The following PRDM7 variants were observed in gnomAD, a reference collection of about 807,000 sequenced individuals.
The protein encoded by PRDM7 is histone-lysine N-methyltransferase PRDM7.
A neutral mutation model predicts 64.3 loss-of-function variants in PRDM7; 52 were observed. The ratio of observed to expected loss-of-function variants is 0.81; its 90% CI spans 0.65 to 1.02. The LOEUF (loss-of-function observed/expected upper bound fraction) is 1.02. Ranked by LOEUF, PRDM7 falls within the 50% of genes least tolerant of loss-of-function variation. The pLI is 0.00. For missense variants in PRDM7, 574 were observed against 597.1 expected, an observed-to-expected ratio of 0.96 and a Z score of 0.40; for synonymous variants, 192 against 210.1, an observed-to-expected ratio of 0.91 and a Z score of 0.74.
chr16:90,061,588 G>C (rs1233944478), intron 8 of PRDM7, 69 bp from the exon 9 acceptor site: 15 of 1,512,490 alleles, frequency 9.9e-6, no homozygotes, highest in Non-Finnish European at 1.3e-5. Context: ...TTACTCCACG[G>C]TCATCAATGG....
intron 4 of PRDM7, among the ~76,000 whole-genome samples, chr16:90,072,123 TGGGATGCTGA>T (rs2151312749): frequency 6.6e-6 from 1 of 151,482 alleles, no homozygotes; most frequent in South Asian, 2.1e-4. Context: ...CCCAGCTACT[TGGGATGCTGA>T]GGCGGGAGAA....
In PRDM7 at chr16:90,070,960, T is replaced by G. The variant is rs145412358; in HGVS notation, c.301+3956A>C. On this transcript the variant is annotated intron_variant, in intron 4 of 10. Coordinates refer to ENST00000449207, the MANE Select transcript of PRDM7 (RefSeq NM_001098173.2). Reference sequence around the variant, plus strand: ...CACTAATCATTAGGGAAATGAAAATTAAAACCACAATGAGATATCACCTTA... The same window carrying G: ...CACTAATCATTAGGGAAATGAAAATGAAAACCACAATGAGATATCACCTTA... Among the ~76,000 whole-genome samples, 443 of 152,282 alleles carry G rather than the reference T, an allele frequency of 2.9e-3. 4 individuals are homozygous for G. Among genetic ancestry groups the G allele is most frequent in the African/African-American group, 9.8e-3 (408 of 41,544 alleles).
rs79217237 is a variant in PRDM7 at position 90,068,984 on chromosome 16, T to C, written c.302-2074A>G. The stretch of plus-strand genomic sequence containing the variant: ...GTCCTGTCTATCAAAATGCCAATGC[T>C]ATTATTTTCAGAAATGGAAAAATAT... On this transcript the variant is annotated intron_variant, in intron 4 of 10. Transcript: ENST00000449207. Among the ~76,000 whole-genome samples the C allele has an allele frequency of 1.0e-2, 1,509 of 151,450 alleles. 25 individuals are homozygous for C. The highest frequency in any genetic ancestry group is 0.034 in the Middle Eastern group (10 of 294).
At chr16:90,063,478 C>G (rs1381956670) in intron 6 of PRDM7, 134 bp downstream of exon 6, 3 of 909,350 alleles carry the variant, frequency 3.3e-6, no homozygotes, top group South Asian at 1.7e-5. Context: ...AATACTGCAT[C>G]TAACTTCTGG....
In PRDM7 at chr16:90,074,924, C is replaced by G. The variant is rs2038013565; in HGVS notation, c.293G>C (p.Arg98Thr). 6.2e-7 allele frequency: 1 copy of G among 1,613,978 alleles called. No homozygotes were observed. The highest frequency in any genetic ancestry group is 1.1e-5 in the South Asian group (1 of 91,068). ...CTTCCCTTCCCTCTTACCTTGCTGC[C>G]TAGGTGTCCATTCTTCATCGGAATC... ...TEDSDEEWTP[R>T]QQVKPPWMAF... is the part of the protein sequence containing the mutation. The change falls in exon 4 of 11, where the codon AGG (arginine) becomes ACG (threonine). Residue 98 changes from arginine (R) to threonine (T), a missense_variant. Arg to Thr is a moderately conservative substitution (Grantham distance 71). Coordinates refer to ENST00000449207, the MANE Select transcript of PRDM7 (RefSeq NM_001098173.2).
chr16:90,074,818 G>A (rs1422508028), intron 4 of PRDM7, 98 bp downstream of exon 4: 8 of 1,217,270 alleles, frequency 6.6e-6, no homozygotes, highest in Non-Finnish European at 9.4e-6. Context: ...GGCAGAGGTT[G>A]CCGTGAGCCA....
At chr16:90,063,381 T>C (rs116003834) in intron 6 of PRDM7, among the ~76,000 whole-genome samples, 3,357 of 151,460 alleles carry the variant, frequency 0.022, 134 homozygotes, top group African/African-American at 0.076. Context: ...GAGGTTGCAG[T>C]GAACCGAGAT....
chr16:90,061,577 T>C, intron 8 of PRDM7, 58 bp from the exon 9 acceptor site: 1 of 1,531,178 alleles, frequency 6.5e-7, no homozygotes. Context: ...GAAGAATTAT[T>C]TTACTCCACG....
intron 4 of PRDM7, among the ~76,000 whole-genome samples, chr16:90,072,139 G>A (rs1463803410): frequency 6.6e-6 from 1 of 151,814 alleles, no homozygotes. Flanking sequence ...GCTGAGGCGG[G>A]AGAATGGCGT....
intron 1 of PRDM7, among the ~76,000 whole-genome samples, chr16:90,076,838 CTG>C (rs921485932): frequency 6.6e-6 from 1 of 151,888 alleles, no homozygotes; most frequent in Non-Finnish European, 1.5e-5. Context: ...GTGTTTGACA[CTG>C]AGGTTATTTG....
At position 90,060,643 on chromosome 16, in the gene PRDM7, A is replaced by G. The variant is rs1247823686; in HGVS notation, c.951-20T>C. 2 of 1,613,510 alleles carry G rather than the reference A, an allele frequency of 1.2e-6. No homozygotes were observed. Among genetic ancestry groups the G allele is most frequent in the Non-Finnish European group, 1.7e-6 (2 of 1,179,430 alleles). On this transcript the variant is annotated intron_variant, in intron 9 of 10. Transcript: ENST00000449207. ...ACATACCTGGGGTCAAGGCAGGCAA[A>G]GGGAAAGAAAGAGGCAGTGAGTTCC...
At position 90,058,521 on chromosome 16, in the gene PRDM7, C is replaced by A; in HGVS notation, c.1247G>T (p.Arg416Ile). 2 of 1,614,164 alleles carry A rather than the reference C, an allele frequency of 1.2e-6. No individual in the cohort carries two copies. The highest frequency in any genetic ancestry group is 1.1e-5 in the South Asian group (1 of 91,076). Reference protein sequence around the residue: ...SSWQGENQSQRSIHVPHAVWP... With the variant: ...SSWQGENQSQISIHVPHAVWP... ...GACAGCATGAGGGACATGGATGGAT[C>A]TCTGGCTTTGGTTCTGAAAGAGGAA... is the stretch of plus-strand genomic sequence containing the variant. Residue 416 changes from arginine to isoleucine, a missense_variant, in exon 11 of 11, where the codon AGA (arginine) becomes ATA (isoleucine). Physicochemically the swap from Arg to Ile is moderately conservative, Grantham distance 97. Transcript: ENST00000449207.
intron 4 of PRDM7, among the ~76,000 whole-genome samples, chr16:90,072,094 G>T (rs939548563): frequency 7.2e-5 from 11 of 152,102 alleles, no homozygotes; most frequent in Non-Finnish European, 1.2e-4. Context: ...AGCCTGGCGT[G>T]GTGGCAGGCG....
intron 4 of PRDM7, among the ~76,000 whole-genome samples, chr16:90,068,698 G>C (rs1486835731): frequency 6.7e-6 from 1 of 149,542 alleles, no homozygotes; most frequent in Non-Finnish European, 1.5e-5. Flanking sequence ...CCCCAAATCA[G>C]TTGTGTTTCT....
Position 90,062,396 on chromosome 16 carries a change from C to G in PRDM7, c.610+5G>C. The stretch of plus-strand genomic sequence containing the variant: ...GCTGTGTGAGTGGCTGAAAGGGTCA[C>G]TCACAGAGGTAGTCATCATCCTGTG... On this transcript the variant is annotated splice_donor_5th_base_variant and intron_variant, in intron 7 of 10. Coordinates refer to ENST00000449207, the MANE Select transcript of PRDM7 (RefSeq NM_001098173.2). The G allele has an allele frequency of 6.2e-7, 1 of 1,613,970 alleles. No homozygotes were observed. The highest frequency in any genetic ancestry group is 8.5e-7 in the Non-Finnish European group (1 of 1,179,836).
intron 9 of PRDM7, 79 bp downstream of exon 9, chr16:90,061,373 G>C: frequency 7.1e-7 from 1 of 1,398,876 alleles, no homozygotes; most frequent in Non-Finnish European, 1.0e-6. Flanking sequence ...CATTGAGGGA[G>C]GCATAATGAG....
At position 90,075,295 on chromosome 16, in the gene PRDM7, A is replaced by G; in HGVS notation, c.193+56T>C. 1 of 1,613,384 alleles carries G rather than the reference A, an allele frequency of 6.2e-7. No individual in the cohort carries two copies. Among genetic ancestry groups the G allele is most frequent in the South Asian group, 1.1e-5 (1 of 90,990 alleles). On this transcript the variant is annotated intron_variant, in intron 3 of 10. Transcript: ENST00000449207. This position sits in a 1 kb window ranked among gnomAD's most constrained non-coding sequence, Gnocchi z 4.3. ...ACCTGATAATTAAAATAATATAGGG[A>G]CCAAAGACCTGTTTTATATCGCCCA...
intron 5 of PRDM7, among the ~76,000 whole-genome samples, chr16:90,064,034 G>A (rs1405340905): frequency 6.6e-6 from 1 of 152,156 alleles, no homozygotes; most frequent in Non-Finnish European, 1.5e-5. Flanking sequence ...AAGACTAGCT[G>A]GAGAATCAGC....
At chr16:90,069,214 T>C (rs1356435687) in intron 4 of PRDM7, among the ~76,000 whole-genome samples, 1 of 151,204 alleles carries the variant, frequency 6.6e-6, no homozygotes, top group Non-Finnish European at 1.5e-5. Flanking sequence ...CTCGTGTATA[T>C]GGTCAAATGA....
Sources: gnomAD v4.1 joint callset for allele counts (sites outside exome capture counted in the v4.1 genomes callset) on GRCh38, gnomAD v4.1.1 for gene constraint, Gnocchi (gnomAD v3.1) non-coding constraint, MANE v1.5 for transcripts, NCBI Gene and HGNC (gene_info 2026-07-23, HGNC 2026-07-21) for gene names.